The following MAST4 variants were observed in gnomAD, a reference collection of about 807,000 sequenced individuals.
MAST4 encodes microtubule-associated serine/threonine-protein kinase 4.
Under a neutral mutation model 162.7 loss-of-function variants are expected in MAST4, and 89 were observed. The ratio of observed to expected loss-of-function variants is 0.55; its 90% CI spans 0.46 to 0.65. The LOEUF (loss-of-function observed/expected upper bound fraction) is 0.65, where lower values mean the gene tolerates loss of function less well. Among genes scored for constraint, MAST4 ranks in the 30% least tolerant of loss-of-function variants. MAST4 has a pLI of 0.00. For synonymous variants in MAST4, 1,479 were observed against 1,361.1 expected (o/e 1.09, Z -1.91); for missense variants, 3,153 against 3,374.0 (o/e 0.93, Z 1.62).
intron 3 of MAST4, among the ~76,000 whole-genome samples, chr5:66,801,989 A>G (rs964473006): frequency 1.3e-5 from 2 of 152,236 alleles, no homozygotes; most frequent in Non-Finnish European, 2.9e-5. Context: ...GCTATGTAAA[A>G]GACAGAAACA....
intron 14 of MAST4, among the ~76,000 whole-genome samples, chr5:67,127,338 T>C (rs1768369488): frequency 2.0e-5 from 3 of 152,220 alleles, no homozygotes; most frequent in African/African-American, 4.8e-5. Flanking sequence ...GCTGCCAGTT[T>C]TTGCCCATTC....
intron 3 of MAST4, among the ~76,000 whole-genome samples, chr5:66,801,582 A>G (rs1280188106): frequency 6.6e-6 from 1 of 152,246 alleles, no homozygotes; most frequent in Non-Finnish European, 1.5e-5. Context: ...ATAAACTACA[A>G]GATCTGCTTT....
At chr5:66,647,347 A>AT (rs1745907857) in intron 1 of MAST4, among the ~76,000 whole-genome samples, 1 of 152,114 alleles carries the variant, frequency 6.6e-6, no homozygotes, top group African/African-American at 2.4e-5. Flanking sequence ...CCCATTCCCC[A>AT]GTGACTACCC....
chr5:66,636,731 A>G (rs940459224), intron 1 of MAST4, among the ~76,000 whole-genome samples: 2 of 152,240 alleles, frequency 1.3e-5, no homozygotes, highest in African/African-American at 2.4e-5. Context: ...ACAAATGGCC[A>G]GGATATATGG....
At chr5:66,990,750 A>G (rs928786451) in intron 4 of MAST4, among the ~76,000 whole-genome samples, 1 of 152,174 alleles carries the variant, frequency 6.6e-6, no homozygotes, top group Non-Finnish European at 1.5e-5. Context: ...ATGTTTCTCT[A>G]TGAGACTTTT....
At chr5:66,757,684 T>C (rs773482862) in intron 1 of MAST4, among the ~76,000 whole-genome samples, 2 of 152,120 alleles carry the variant, frequency 1.3e-5, no homozygotes, top group Non-Finnish European at 2.9e-5. Flanking sequence ...ACAGTCCCCG[T>C]GCATGTGTGA....
Position 67,144,813 on chromosome 5 carries a change from T to C in MAST4, c.2858+17T>C. The C allele has an allele frequency of 1.9e-6, 3 of 1,582,116 alleles. No homozygotes were observed. Among genetic ancestry groups the C allele is most frequent in the Non-Finnish European group, 2.6e-6 (3 of 1,163,176 alleles). On this transcript the variant is annotated intron_variant, in intron 22 of 28. Transcript: ENST00000403625. Reference sequence around the variant, plus strand: ...TTCTGAAATGTATGTGAAATGCCTCTTAAGTAATATAAGCAGTAGCTACTA... The same window carrying C: ...TTCTGAAATGTATGTGAAATGCCTCCTAAGTAATATAAGCAGTAGCTACTA...
chr5:67,142,297 T>G, intron 20 of MAST4, 60 bp downstream of exon 20: 4 of 1,590,478 alleles, frequency 2.5e-6, no homozygotes, highest in Non-Finnish European at 3.4e-6. Flanking sequence ...TAATTATCTT[T>G]GCTTTTGAAC....
chr5:66,973,143 T>G (rs987120495), intron 4 of MAST4, among the ~76,000 whole-genome samples: 19 of 152,174 alleles, frequency 1.2e-4, no homozygotes, highest in African/African-American at 3.6e-4. Flanking sequence ...TTCAGGCACT[T>G]CACCCCTAAA....
intron 3 of MAST4, among the ~76,000 whole-genome samples, chr5:66,831,508 A>G (rs1757595439): frequency 6.6e-6 from 1 of 152,212 alleles, no homozygotes; most frequent in Non-Finnish European, 1.5e-5. Flanking sequence ...CCAATTTTAA[A>G]AAGTTCAGTA....
chr5:66,832,975 C>T (rs1437744336), intron 3 of MAST4, among the ~76,000 whole-genome samples: 1 of 152,062 alleles, frequency 6.6e-6, no homozygotes, highest in Non-Finnish European at 1.5e-5. Context: ...GTGTTTCTTA[C>T]CCATTGGAGG....
intron 1 of MAST4, among the ~76,000 whole-genome samples, chr5:66,658,740 T>C (rs1010450397): frequency 3.9e-5 from 6 of 152,158 alleles, no homozygotes; most frequent in African/African-American, 1.4e-4. Context: ...CAAATACTTT[T>C]AGCTGGTGGG....
Position 67,129,494 on chromosome 5 carries a change from C to A in MAST4, c.1746-716C>A, listed in dbSNP as rs140936853. 8.0e-3 allele frequency among the ~76,000 whole-genome samples: 1,210 copies of A among 151,922 alleles called. 19 individuals carry two copies. Among genetic ancestry groups the A allele is most frequent in the African/African-American group, 0.028 (1,146 of 41,416 alleles). On this transcript the variant is annotated intron_variant, in intron 14 of 28. Transcript: ENST00000403625. Reference sequence around the variant, plus strand: ...TAGCACTTTGGGAGGCCAAGGAGGGCAGATCACTTGAGGTCAGGAGTTCGA... The same window carrying A: ...TAGCACTTTGGGAGGCCAAGGAGGGAAGATCACTTGAGGTCAGGAGTTCGA...
Position 66,596,426 on chromosome 5 carries a change from A to T in MAST4, c.-230A>T, listed in dbSNP as rs1192272668. 1.2e-5 allele frequency: 5 copies of T among 416,002 alleles called. No individual in the cohort carries two copies. The highest frequency in any genetic ancestry group is 2.0e-5 in the Non-Finnish European group (5 of 245,582). 25.8% of individuals were successfully genotyped at this position (416,002 alleles called of 1,614,324 possible). ...GCGCAGATCGCGGACCCGAGCGGGCATGTCCCCGCGCGCGGGAGCCTCCGT... is the reference window on the plus strand; with the variant it reads ...GCGCAGATCGCGGACCCGAGCGGGCTTGTCCCCGCGCGCGGGAGCCTCCGT... On this transcript the variant is annotated 5_prime_UTR_variant, in exon 1 of 29. The change abolishes an upstream ATG in the 5' untranslated region. Transcript: ENST00000403625.
intron 16 of MAST4, among the ~76,000 whole-genome samples, chr5:67,133,225 T>A (rs975398566): frequency 2.2e-4 from 34 of 152,056 alleles, no homozygotes; most frequent in African/African-American, 8.0e-4. Flanking sequence ...GTTTCATACT[T>A]GAATTTTTCT....
chr5:67,131,705 C>A, intron 15 of MAST4, 108 bp from the exon 16 acceptor site: 1 of 1,060,458 alleles, frequency 9.4e-7, no homozygotes, highest in Non-Finnish European at 1.4e-6. Context: ...CTATGATATG[C>A]TGTGTCTATG....
At chr5:66,677,008 C>A (rs1381856346) in intron 1 of MAST4, among the ~76,000 whole-genome samples, 1 of 152,094 alleles carries the variant, frequency 6.6e-6, no homozygotes, top group Non-Finnish European at 1.5e-5. Flanking sequence ...GGAGGGGTGG[C>A]TTTAGGATTT....
Position 67,166,388 on chromosome 5 carries a change from G to A in MAST4, c.7209G>A (p.Ala2403=). The change falls in exon 29 of 29, where the codon GCG becomes GCA. Residue 2403 remains alanine (A), a synonymous_variant. Transcript: ENST00000403625. The part of the protein sequence containing the change: ...FVHSENRLKG[A]ERPAAGVGKG... ...ATAGCGAGAACCGGTTGAAAGGCGC[G>A]GAGCGGCCAGCCGCGGGGGTGGGGA... 2 of 1,610,834 alleles carry A rather than the reference G, an allele frequency of 1.2e-6. No individual in the cohort carries two copies. Among genetic ancestry groups the A allele is most frequent in the Non-Finnish European group, 1.7e-6 (2 of 1,178,386 alleles).
At chr5:66,894,965 G>A (rs1580794223) in intron 3 of MAST4, among the ~76,000 whole-genome samples, 1 of 152,136 alleles carries the variant, frequency 6.6e-6, no homozygotes, top group Non-Finnish European at 1.5e-5. Flanking sequence ...GAGATGAAGT[G>A]AAGGTATGTG....
Sources: allele counts gnomAD v4.1 joint callset (sites outside exome capture counted in the v4.1 genomes callset), GRCh38; gene constraint gnomAD v4.1.1; transcripts MANE v1.5; gene names NCBI Gene and HGNC (gene_info 2026-07-23, HGNC 2026-07-21).